DDC: variants seen among roughly 807,000 people sequenced by gnomAD.
DDC encodes dopa decarboxylase, also known as aromatic-L-amino-acid decarboxylase.
A neutral mutation model predicts 60.0 loss-of-function variants in DDC; 43 were observed. That is an observed-to-expected ratio of 0.72 (90% confidence interval 0.56 to 0.92). The LOEUF is 0.92. Among genes scored for constraint, DDC ranks in the 40% least tolerant of loss-of-function variants. The pLI, the probability that DDC is intolerant of heterozygous loss-of-function variation, is 0.00. For synonymous variants in DDC, 232 were observed against 234.6 expected, an observed-to-expected ratio of 0.99 and a Z score of 0.10; for missense variants, 573 against 620.2, an observed-to-expected ratio of 0.92 and a Z score of 0.81.
In DDC at chr7:50,483,904, A is replaced by C. The variant is rs1272573526; in HGVS notation, c.945-4041T>G. Among the ~76,000 whole-genome samples the C allele has an allele frequency of 2.8e-3, 55 of 19,380 alleles. No individual in the cohort carries two copies. In the East Asian group the frequency reaches 0.034, roughly 12 times the overall value. The allele number at this position is 19,380 out of a possible 152,430, so 12.7% of individuals were successfully genotyped here. Reference sequence around the variant, plus strand: ...GGGCGACAGAGCAAGATTCCATCTCAAAAAAAAAAAAAGAATAATAATTTG... The same window carrying C: ...GGGCGACAGAGCAAGATTCCATCTCCAAAAAAAAAAAAGAATAATAATTTG... On this transcript the variant is annotated intron_variant, in intron 9 of 14. Coordinates refer to ENST00000444124, the MANE Select transcript of DDC (RefSeq NM_001082971.2).
At chr7:50,505,595 G>C (rs185222535) in intron 6 of DDC, among the ~76,000 whole-genome samples, 202 of 152,346 alleles carry the variant, frequency 1.3e-3, no homozygotes, top group Non-Finnish European at 2.4e-3. Context: ...TTTAGAGAGA[G>C]ACAAAGTGTT....
chr7:50,516,162 G>GA (rs2043722857), intron 6 of DDC, among the ~76,000 whole-genome samples: 1 of 152,152 alleles, frequency 6.6e-6, no homozygotes, highest in Non-Finnish European at 1.5e-5. Flanking sequence ...CTCCAAGATA[G>GA]ACCATATAAT....
chr7:50,480,345 C>T (rs1661730947), intron 9 of DDC, among the ~76,000 whole-genome samples: 1 of 152,232 alleles, frequency 6.6e-6, no homozygotes, highest in African/African-American at 2.4e-5. Flanking sequence ...ATGGAAGCCA[C>T]GTGACCTACC....
At chr7:50,529,993 T>C (rs1163360473) in intron 4 of DDC, among the ~76,000 whole-genome samples, 1 of 152,010 alleles carries the variant, frequency 6.6e-6, no homozygotes, top group African/African-American at 2.4e-5. Context: ...AATATGAAAT[T>C]TGCCTATAAT....
In DDC at chr7:50,537,956, C is replaced by T; in HGVS notation, c.339G>A (p.Glu113=). 1 of 1,614,168 alleles carries T rather than the reference C, an allele frequency of 6.2e-7. No individual in the cohort carries two copies. Among genetic ancestry groups the T allele is most frequent in the South Asian group, 1.1e-5 (1 of 91,084 alleles). The change falls in exon 4 of 15, where the codon GAG becomes GAA. Residue 113 remains glutamate (E), a synonymous_variant. Coordinates refer to ENST00000444124, the MANE Select transcript of DDC (RefSeq NM_001082971.2). Reference sequence around the variant, plus strand: ...GCCAGTCCATCATCACAGTCTCCAGCTCTGTGCATGCTGGGCTTGCCGCCT... The same window carrying T: ...GCCAGTCCATCATCACAGTCTCCAGTTCTGTGCATGCTGGGCTTGCCGCCT... ...FSWAASPACT[E]LETVMMDWLG...
chr7:50,554,321 GA>G (rs1349330534), intron 1 of DDC, among the ~76,000 whole-genome samples: 1 of 152,148 alleles, frequency 6.6e-6, no homozygotes, highest in Non-Finnish European at 1.5e-5. Context: ...GGGGCAGGGG[GA>G]GAGGGGAAAT....
Position 50,539,978 on chromosome 7 carries a change from G to A in DDC, c.252C>T (p.Ser84=). The A allele has an allele frequency of 1.9e-6, 3 of 1,614,066 alleles. No individual in the cohort carries two copies. The highest frequency in any genetic ancestry group is 1.1e-5 in the South Asian group (1 of 91,074). The change falls in exon 3 of 15, where the codon AGC becomes AGT. Residue 84 remains serine (S), a synonymous_variant. Coordinates refer to ENST00000444124, the MANE Select transcript of DDC (RefSeq NM_001082971.2). The part of the protein sequence containing the change: ...PYFFAYFPTA[S]SYPAMLADML... ...TGTCCGCAAGCATGGCCGGGTACGA[G>A]CTGGCAGTGGGGAAGTAGGCGAAGA... is the stretch of plus-strand genomic sequence containing the variant.
intron 6 of DDC, among the ~76,000 whole-genome samples, chr7:50,512,616 G>C (rs902974105): frequency 2.0e-5 from 3 of 152,186 alleles, no homozygotes; most frequent in Non-Finnish European, 4.4e-5. Context: ...GAGAAAAAGG[G>C]AACTGTCCTC....
intron 4 of DDC, among the ~76,000 whole-genome samples, chr7:50,535,829 T>C (rs2044387811): frequency 6.6e-6 from 1 of 152,192 alleles, no homozygotes. Context: ...TGTGATTAAG[T>C]TAAGAAACTT....
chr7:50,479,764 C>G, intron 10 of DDC, 23 bp downstream of exon 10: 1 of 1,610,172 alleles, frequency 6.2e-7, no homozygotes, highest in Non-Finnish European at 8.5e-7. Context: ...AAACAGTCCA[C>G]AGAAAGCAGG....
At chr7:50,499,752 C>A (rs1364996355) in intron 7 of DDC, among the ~76,000 whole-genome samples, 2 of 152,216 alleles carry the variant, frequency 1.3e-5, no homozygotes, top group African/African-American at 4.8e-5. Flanking sequence ...CCATCCCCTG[C>A]TTTCTTCATG....
chr7:50,561,340 C>G (rs1300723023), intron 1 of DDC, among the ~76,000 whole-genome samples: 1 of 152,140 alleles, frequency 6.6e-6, no homozygotes, highest in Non-Finnish European at 1.5e-5. Context: ...GGGGCCAGGG[C>G]TCCTGGGACT....
chr7:50,477,541 G>A (rs1223977487), intron 10 of DDC: 3 of 456,650 alleles, frequency 6.6e-6, no homozygotes, highest in African/African-American at 2.0e-5. Context: ...TACAACCCAC[G>A]CCCCACCCTG....
intron 1 of DDC, among the ~76,000 whole-genome samples, chr7:50,562,371 T>C (rs1224445931): frequency 6.6e-6 from 1 of 152,186 alleles, no homozygotes; most frequent in East Asian, 1.9e-4. Flanking sequence ...GAGGGCAAGA[T>C]GGGAGCTGCC....
chr7:50,470,116 A>T lies in DDC; in HGVS notation c.1097T>A (p.Phe366Tyr). ...RFRSLKMWFVFRMYGVKGLQA... is the reference protein window; with the variant it reads ...RFRSLKMWFVYRMYGVKGLQA... Reference sequence around the variant, plus strand: ...CAGTCCTTTGACTCCATACATCCTAAATACAAACCACATTTTCAAAGAGCG... The same window carrying T: ...CAGTCCTTTGACTCCATACATCCTATATACAAACCACATTTTCAAAGAGCG... Residue 366 changes from phenylalanine (F) to tyrosine (Y), a missense_variant, in exon 12 of 15, where the codon TTT becomes TAT. Coordinates refer to ENST00000444124, the MANE Select transcript of DDC (RefSeq NM_001082971.2). 1 of 1,613,938 alleles carries T rather than the reference A, an allele frequency of 6.2e-7. No homozygotes were observed. The highest frequency in any genetic ancestry group is 8.5e-7 in the Non-Finnish European group (1 of 1,179,800).
In DDC at chr7:50,565,109, G is replaced by GC. The variant is rs112788205; in HGVS notation, c.-29+175dup. ...TGCATGGAGAGCCACCAAGTGCACA[G>GC]CCCCCACTGAACAAAAACCCCTGCC... On this transcript the variant is annotated intron_variant, in intron 1 of 14. Coordinates refer to ENST00000444124, the MANE Select transcript of DDC (RefSeq NM_001082971.2). 2.0e-3 allele frequency among the ~76,000 whole-genome samples: 310 copies of GC among 152,290 alleles called. 4 individuals are homozygous for GC. The highest frequency in any genetic ancestry group is 7.1e-3 in the African/African-American group (294 of 41,540).
At chr7:50,483,730 G>A (rs570950165) in intron 9 of DDC, among the ~76,000 whole-genome samples, 4 of 152,008 alleles carry the variant, frequency 2.6e-5, no homozygotes, top group South Asian at 2.1e-4. Context: ...GTGAAACCCC[G>A]TCTCTACTAA....
intron 1 of DDC, among the ~76,000 whole-genome samples, chr7:50,548,148 C>A (rs946386979): frequency 1.3e-5 from 2 of 152,174 alleles, no homozygotes; most frequent in Non-Finnish European, 2.9e-5. Flanking sequence ...ACCCATTATT[C>A]GCCTGTCTTT....
intron 10 of DDC, among the ~76,000 whole-genome samples, chr7:50,477,336 G>A (rs1297543921): frequency 1.3e-5 from 2 of 152,230 alleles, no homozygotes; most frequent in African/African-American, 4.8e-5. Flanking sequence ...AAGACATCAG[G>A]TGAGGATTAT....
Sources: allele counts gnomAD v4.1 joint callset (sites outside exome capture counted in the v4.1 genomes callset), GRCh38; gene constraint gnomAD v4.1.1; transcripts MANE v1.5; gene names NCBI Gene and HGNC (gene_info 2026-07-23, HGNC 2026-07-21).